Variants in MAPK6 observed in about 807,000 individuals in gnomAD.
The protein encoded by MAPK6 is mitogen-activated protein kinase 6, also known as ERK-3.
Under a neutral mutation model 59.3 loss-of-function variants are expected in MAPK6, and 19 were observed. That is an observed-to-expected ratio of 0.32 (90% CI 0.22 to 0.47). The LOEUF is 0.47. Ranked by LOEUF, MAPK6 falls within the 20% of genes least tolerant of loss-of-function variation. MAPK6 has a pLI of 1.00. For synonymous variants in MAPK6, 316 were observed against 290.3 expected (o/e 1.09, Z -0.90); for missense variants, 724 against 847.9 (o/e 0.85, Z 1.81).
chr15:51,986,741 G>A (rs1595958525), intron 2 of MAPK6, among the ~76,000 whole-genome samples: 1 of 152,092 alleles, frequency 6.6e-6, no homozygotes, highest in Non-Finnish European at 1.5e-5. Context: ...AGCGAATTCT[G>A]TTTTCATTTA....
At chr15:52,025,552 C>T (rs887537203) in intron 1 of MAPK6, among the ~76,000 whole-genome samples, 2 of 152,176 alleles carry the variant, frequency 1.3e-5, no homozygotes, top group Non-Finnish European at 2.9e-5. Context: ...CCTGTAATGC[C>T]AGCACTTTGG....
At position 52,046,448 on chromosome 15, in the gene MAPK6, T is replaced by A; in HGVS notation, c.-13T>A. The A allele has an allele frequency of 6.3e-7, 1 of 1,578,950 alleles. No individual in the cohort carries two copies. The highest frequency in any genetic ancestry group is 8.6e-7 in the Non-Finnish European group (1 of 1,162,200). ...TCAATTTGAAAGGAAAAGGCAATAG[T>A]AAGGGTTTCAAAATGGCAGAGAAAT... On this transcript the variant is annotated 5_prime_UTR_variant, in exon 2 of 6. Coordinates refer to ENST00000261845, the MANE Select transcript of MAPK6 (RefSeq NM_002748.4).
intron 1 of MAPK6, among the ~76,000 whole-genome samples, chr15:52,030,917 G>A (rs1224636523): frequency 6.6e-6 from 1 of 151,594 alleles, no homozygotes; most frequent in Admixed American, 6.6e-5. Context: ...TCAGCCTCCT[G>A]AGTGGCTGGG....
chr15:52,050,208 T>A, intron 3 of MAPK6, 71 bp downstream of exon 3: 1 of 1,295,994 alleles, frequency 7.7e-7, no homozygotes, highest in Non-Finnish European at 1.1e-6. Context: ...GAAGCAAGAT[T>A]CATATAAGAT....
At chr15:52,059,614 G>A (rs1430477519) in intron 4 of MAPK6, among the ~76,000 whole-genome samples, 2 of 152,212 alleles carry the variant, frequency 1.3e-5, no homozygotes, top group African/African-American at 4.8e-5. Flanking sequence ...TGCTGTTGAA[G>A]CATTTGTAAC....
chr15:52,048,025 T>A (rs8034167), intron 2 of MAPK6, among the ~76,000 whole-genome samples: 116,297 of 152,110 alleles, frequency 0.76, 45,656 homozygotes, highest in Non-Finnish European at 0.85. Flanking sequence ...GATGTTTAAA[T>A]TAGAGAGGTG....
At chr15:52,053,957 G>A (rs986773674) in intron 3 of MAPK6, among the ~76,000 whole-genome samples, 1 of 151,862 alleles carries the variant, frequency 6.6e-6, no homozygotes, top group Non-Finnish European at 1.5e-5. Flanking sequence ...TTTTAATTCT[G>A]AAGTCCAGTT....
At chr15:52,008,690 G>T (rs1398094823) in intron 3 of MAPK6, among the ~76,000 whole-genome samples, 3 of 152,178 alleles carry the variant, frequency 2.0e-5, no homozygotes, top group Admixed American at 2.0e-4. Context: ...CCAAGCATGG[G>T]GTCCTTTTGC....
At chr15:52,062,393 G>C (rs1166741599) in intron 5 of MAPK6, among the ~76,000 whole-genome samples, 4 of 152,164 alleles carry the variant, frequency 2.6e-5, no homozygotes, top group Non-Finnish European at 1.5e-5. Flanking sequence ...TTCAGTAAAA[G>C]AGACTTTTTT....
chr15:51,981,506 C>T (rs2057173458), intron 1 of MAPK6, among the ~76,000 whole-genome samples: 1 of 151,662 alleles, frequency 6.6e-6, no homozygotes, highest in South Asian at 2.1e-4. Context: ...AAAGAAAATT[C>T]AGACTTATGT....
At chr15:51,976,160 G>A (rs2057156777) in intron 1 of MAPK6, among the ~76,000 whole-genome samples, 1 of 151,246 alleles carries the variant, frequency 6.6e-6, no homozygotes, top group Non-Finnish European at 1.5e-5. Flanking sequence ...CAGCTACTCG[G>A]GAGGCTGAGG....
intron 1 of MAPK6, among the ~76,000 whole-genome samples, chr15:52,041,182 T>A (rs2031405598): frequency 6.9e-6 from 1 of 144,178 alleles, no homozygotes; most frequent in Admixed American, 6.6e-5. Flanking sequence ...AGCTTTAAAC[T>A]TTGTTTTTTT....
intron 3 of MAPK6, among the ~76,000 whole-genome samples, chr15:52,050,811 A>AATAAGAGT (rs1473797570): frequency 6.6e-6 from 1 of 152,186 alleles, no homozygotes; most frequent in African/African-American, 2.4e-5. Context: ...TACCCATATA[A>AATAAGAGT]ATAAGAGTAT....
intron 1 of MAPK6, among the ~76,000 whole-genome samples, chr15:51,982,730 A>G (rs2057178385): frequency 1.3e-5 from 2 of 152,204 alleles, no homozygotes. Flanking sequence ...CTAAGAAAAT[A>G]TTTTTCAACT....
chr15:52,062,862 C>A (rs1029430420), intron 5 of MAPK6, among the ~76,000 whole-genome samples: 1 of 148,470 alleles, frequency 6.7e-6, no homozygotes. Context: ...TTTGATGCTT[C>A]AGAGTAGGAT....
Position 52,026,140 on chromosome 15 carries a change from C to T in MAPK6, c.-632+6764C>T, listed in dbSNP as rs1956945209. On this transcript the variant is annotated intron_variant, in intron 1 of 5. Coordinates refer to ENST00000261845, the MANE Select transcript of MAPK6 (RefSeq NM_002748.4). ...TAGCTATTAAGTTTTCCTTAGTTAT[C>T]CTGTGGAAAGCATTGGCAGGATAGT... 2.0e-5 allele frequency among the ~76,000 whole-genome samples: 3 copies of T among 152,150 alleles called. 1 individual carries two copies. The highest frequency in any genetic ancestry group is 4.1e-4 in the South Asian group (2 of 4,828).
rs1566916945 is a variant in MAPK6, at chr15:52,065,007, C to CAGCAGACAT, written c.*8_*16dup. 6.3e-7 allele frequency: 1 copy of CAGCAGACAT among 1,587,760 alleles called. No homozygotes were observed. The highest frequency in any genetic ancestry group is 1.1e-5 in the South Asian group (1 of 87,910). On this transcript the variant is annotated 3_prime_UTR_variant, in exon 6 of 6. Transcript: ENST00000261845. ...TCTGAAACATCTGAACTAAAACACT[C>CAGCAGACAT]AGCAGACATTTATCTTTGTATTCTT... is the stretch of plus-strand genomic sequence containing the variant.
chr15:51,984,399 A>G (rs754912819), intron 2 of MAPK6, among the ~76,000 whole-genome samples: 1 of 147,940 alleles, frequency 6.8e-6, no homozygotes, highest in Non-Finnish European at 1.5e-5. Flanking sequence ...CTCCTGCCTC[A>G]GCCGCCCGAG....
At chr15:52,010,289 G>A (rs1023572406) in intron 3 of MAPK6, among the ~76,000 whole-genome samples, 1 of 151,854 alleles carries the variant, frequency 6.6e-6, no homozygotes, top group African/African-American at 2.4e-5. Context: ...CATGATCTTG[G>A]CTCACTGCAA....
Sources: gnomAD v4.1 joint callset for allele counts (sites outside exome capture counted in the v4.1 genomes callset) on GRCh38, gnomAD v4.1.1 for gene constraint, MANE v1.5 for transcripts, NCBI Gene and HGNC (gene_info 2026-07-23, HGNC 2026-07-21) for gene names.